Variants in ATP2C1 observed in about 807,000 individuals in gnomAD.
ATP2C1 encodes the protein calcium-transporting ATPase type 2C member 1.
ATP2C1 carries 31 observed loss-of-function variants against 120.5 expected under a neutral mutation model. That is an observed-to-expected ratio of 0.26 (90% CI 0.19 to 0.35). The LOEUF (loss-of-function observed/expected upper bound fraction) is 0.35. ATP2C1 is among the 10% of genes least tolerant of loss of function. The probability of loss-of-function intolerance (pLI) is 1.00; values close to 1 mark genes in which losing one functional copy is unlikely to be tolerated. For synonymous variants in ATP2C1, 351 were observed against 358.7 expected, an observed-to-expected ratio of 0.98 and a Z score of 0.24; for missense variants, 731 against 1,107.5, an observed-to-expected ratio of 0.66 and a Z score of 4.83.
intron 2 of ATP2C1, among the ~76,000 whole-genome samples, chr3:130,926,879 G>A (rs1273865811): frequency 2.0e-5 from 3 of 152,216 alleles, no homozygotes; most frequent in Non-Finnish European, 4.4e-5. Flanking sequence ...ATTCTTGTGT[G>A]CAATGAAACC....
At chr3:130,920,924 C>T (rs1283484584) in intron 2 of ATP2C1, among the ~76,000 whole-genome samples, 1 of 151,934 alleles carries the variant, frequency 6.6e-6, no homozygotes, top group East Asian at 1.9e-4. Context: ...TAATTTTTTT[C>T]TATTGTAAAT....
intron 5 of ATP2C1, among the ~76,000 whole-genome samples, chr3:130,936,148 A>G (rs1391868463): frequency 6.6e-6 from 1 of 152,200 alleles, no homozygotes; most frequent in Non-Finnish European, 1.5e-5. Context: ...GCTGGATAGC[A>G]TCCCAGTATT....
intron 2 of ATP2C1, among the ~76,000 whole-genome samples, chr3:130,903,549 T>C (rs950113057): frequency 3.3e-5 from 5 of 152,126 alleles, no homozygotes; most frequent in South Asian, 2.1e-4. Context: ...ATGAATGTCA[T>C]TGGTCATGGT....
chr3:130,918,183 T>G (rs2058770059), intron 2 of ATP2C1: 2 of 1,100,784 alleles, frequency 1.8e-6, no homozygotes, highest in Admixed American at 1.7e-5. Flanking sequence ...TATGAAGAGA[T>G]TCTCAGTGTG....
intron 8 of ATP2C1, among the ~76,000 whole-genome samples, chr3:130,949,170 T>C (rs1184471639): frequency 1.3e-5 from 2 of 152,184 alleles, no homozygotes; most frequent in Non-Finnish European, 2.9e-5. Context: ...AAAGCTAAGA[T>C]AGGCTGAAGG....
intron 2 of ATP2C1, among the ~76,000 whole-genome samples, chr3:130,911,213 T>C (rs1372991245): frequency 2.2e-5 from 3 of 137,948 alleles, no homozygotes; most frequent in Non-Finnish European, 3.2e-5. Context: ...CCATTTCTTC[T>C]AGATTTTCTA....
At chr3:130,992,309 AAC>A (rs2062393224) in intron 20 of ATP2C1, among the ~76,000 whole-genome samples, 1 of 152,200 alleles carries the variant, frequency 6.6e-6, no homozygotes, top group Non-Finnish European at 1.5e-5. Context: ...GTTTTGTGGA[AAC>A]ACTAGGTTAG....
chr3:130,894,303 C>G lies in ATP2C1; in HGVS notation c.-215C>G, dbSNP rs2069377355. ...CCCCCGCGAGCCCCGCGGCTGAGAC[C>G]CCGCAGCCTGGAGGAGGGCTGTCCG... On this transcript the variant is annotated 5_prime_UTR_variant, in exon 1 of 28. Transcript: ENST00000510168. The surrounding 1 kb of genome is among the most constrained non-coding windows in gnomAD (Gnocchi z 4.5). The G allele has an allele frequency of 1.0e-6, 1 of 987,122 alleles. No individual in the cohort carries two copies. The highest frequency in any genetic ancestry group is 1.2e-6 in the Non-Finnish European group (1 of 831,022). 61.1% of individuals were successfully genotyped at this position (987,122 alleles called of 1,614,324 possible). A position where few individuals can be genotyped will look rare whatever the true frequency, so the allele number is the denominator to read the frequency against.
intron 17 of ATP2C1, among the ~76,000 whole-genome samples, chr3:130,970,371 C>CACACAA (rs1320669938): frequency 1.2e-4 from 16 of 130,962 alleles, no homozygotes; most frequent in African/African-American, 5.9e-4. Context: ...AAAAAAATTA[C>CACACAA]ACACACACAC....
chr3:130,889,051 T>G (rs2069076761), intron 1 of ATP2C1, among the ~76,000 whole-genome samples: 1 of 152,238 alleles, frequency 6.6e-6, no homozygotes, highest in African/African-American at 2.4e-5. Flanking sequence ...TTCCGGGTTG[T>G]AGGTGGCTGG....
downstream of ATP2C1, among the ~76,000 whole-genome samples, chr3:131,004,476 A>G (rs1220431559): frequency 1.3e-5 from 2 of 152,238 alleles, no homozygotes; most frequent in Non-Finnish European, 2.9e-5. Context: ...CCTGGTATTA[A>G]TGTAGATACA....
At chr3:130,900,580 T>C (rs2057772070) in intron 2 of ATP2C1, among the ~76,000 whole-genome samples, 1 of 152,178 alleles carries the variant, frequency 6.6e-6, no homozygotes, top group Admixed American at 6.5e-5. Flanking sequence ...ACTTTTTTTT[T>C]GAATATGTAA....
At chr3:130,871,254 A>C (rs188354240) in intron 1 of ATP2C1, among the ~76,000 whole-genome samples, 5 of 152,374 alleles carry the variant, frequency 3.3e-5, no homozygotes, top group Non-Finnish European at 5.9e-5. Flanking sequence ...AGCTCACAAT[A>C]TCTCTGAGTT....
At chr3:130,945,370 A>G (rs2060100538) in intron 8 of ATP2C1, among the ~76,000 whole-genome samples, 1 of 151,918 alleles carries the variant, frequency 6.6e-6, no homozygotes, top group Non-Finnish European at 1.5e-5. Context: ...TCATTTATTT[A>G]TTTTTTATTA....
chr3:130,959,276 A>G lies in ATP2C1; in HGVS notation c.834A>G (p.Gly278=), dbSNP rs116485868. 608 of 1,603,488 alleles carry G rather than the reference A, an allele frequency of 3.8e-4. No individual in the cohort carries two copies. In the African/African-American group the frequency reaches 7.2e-3, roughly 19 times the overall value. The change falls in exon 12 of 28, where the codon GGA becomes GGG. Residue 278 remains glycine (G), a splice_region_variant and synonymous_variant. Coordinates refer to ENST00000510168, the MANE Select transcript of ATP2C1 (RefSeq NM_001378687.1). ...AATAACTATTTAATTATCTTTCAGG[A>G]ATCATCATGTTGGTTGGCTGGTTAC... is the stretch of plus-strand genomic sequence containing the variant. ...QLSFYSFGII[G]IIMLVGWLLG...
At position 130,997,626 on chromosome 3, in the gene ATP2C1, A is replaced by G; in HGVS notation, c.2264A>G (p.Asp755Gly). Residue 755 changes from aspartate (D) to glycine (G), a missense_variant, in exon 25 of 28, where the codon GAT becomes GGT. This residue lies in a region of ATP2C1 where 141 missense variants were observed against 201.6 expected (regional missense o/e 0.70). Coordinates refer to ENST00000510168, the MANE Select transcript of ATP2C1 (RefSeq NM_001378687.1). The part of the protein sequence containing the change: ...PAQSLGVEPV[D>G]KDVIRKPPRN... The stretch of plus-strand genomic sequence containing the variant: ...TTAAGCCTTGGAGTAGAACCAGTGG[A>G]TAAAGATGTCATTCGTAAACCTCCT... 1 of 1,613,596 alleles carries G rather than the reference A, an allele frequency of 6.2e-7. No homozygotes were observed. Among genetic ancestry groups the G allele is most frequent in the Non-Finnish European group, 8.5e-7 (1 of 1,179,736 alleles).
intron 2 of ATP2C1, among the ~76,000 whole-genome samples, chr3:130,911,105 G>C (rs2058385935): frequency 6.6e-6 from 1 of 151,158 alleles, no homozygotes; most frequent in Non-Finnish European, 1.5e-5. Context: ...GTAAACTATT[G>C]ATTATTGCCA....
intron 12 of ATP2C1, chr3:130,963,251 C>T (rs578091177): frequency 6.6e-6 from 1 of 152,160 alleles, no homozygotes; most frequent in South Asian, 2.1e-4. Flanking sequence ...TATCTAGATT[C>T]AGAACCTTTT....
At chr3:130,932,161 TC>T (rs749070240) in intron 4 of ATP2C1, 23 bp downstream of exon 4, 1 of 1,359,890 alleles carries the variant, frequency 7.4e-7, no homozygotes, top group Non-Finnish European at 1.1e-6. Context: ...TACTTCCTCT[TC>T]TACTGTGTAA....
Sources: allele counts gnomAD v4.1 joint callset (sites outside exome capture counted in the v4.1 genomes callset), GRCh38; gene constraint gnomAD v4.1.1; regional missense constraint gnomAD v4.1.1; non-coding constraint Gnocchi (gnomAD v3.1); transcripts MANE v1.5; gene names NCBI Gene and HGNC (gene_info 2026-07-23, HGNC 2026-07-21).